PEBP4: variants seen among roughly 807,000 people sequenced by gnomAD.
The protein encoded by PEBP4 is phosphatidylethanolamine binding protein 4, also known as phosphatidylethanolamine-binding protein 4.
In PEBP4, 22 loss-of-function variants were observed where a neutral mutation model predicts 23.9. That is an observed-to-expected ratio of 0.92 (90% CI 0.66 to 1.31). The LOEUF (loss-of-function observed/expected upper bound fraction) is 1.31. Ranked by LOEUF, PEBP4 falls within the 40% of genes most tolerant of loss-of-function variation. PEBP4 has a pLI of 0.00. For missense variants in PEBP4, 324 were observed against 281.7 expected (o/e 1.15, Z -1.07); for synonymous variants, 112 against 99.3 (o/e 1.13, Z -0.76).
intron 5 of PEBP4, among the ~76,000 whole-genome samples, chr8:22,725,997 A>ATGTGTGTGTGTGTG (rs1198943272): frequency 8.8e-5 from 7 of 79,844 alleles, no homozygotes; most frequent in Admixed American, 4.3e-4. Flanking sequence ...CAGATCAGAT[A>ATGTGTGTGTGTGTG]TATGTGTGTG....
chr8:22,809,319 A>G (rs1806566922), intron 4 of PEBP4, among the ~76,000 whole-genome samples: 1 of 152,146 alleles, frequency 6.6e-6, no homozygotes, highest in African/African-American at 2.4e-5. Context: ...TCCACACTGC[A>G]CTTGGAGCCC....
chr8:22,883,102 C>G (rs745728600), intron 3 of PEBP4, among the ~76,000 whole-genome samples: 1 of 152,170 alleles, frequency 6.6e-6, no homozygotes, highest in Non-Finnish European at 1.5e-5. Flanking sequence ...CATGTCTTCC[C>G]ACACCTGATT....
At chr8:22,818,747 C>T (rs1414855349) in intron 3 of PEBP4, among the ~76,000 whole-genome samples, 2 of 152,136 alleles carry the variant, frequency 1.3e-5, no homozygotes, top group African/African-American at 2.4e-5. Context: ...CTCGCAGTAG[C>T]ATGGGAAGGA....
chr8:22,749,875 T>C (rs1474603088), intron 4 of PEBP4, among the ~76,000 whole-genome samples: 3 of 146,804 alleles, frequency 2.0e-5, no homozygotes, highest in Non-Finnish European at 4.5e-5. Context: ...GGCACGATGT[T>C]GTCTCACTGG....
chr8:22,732,634 TTGTGTGTGTGTG>T (rs61376190), intron 4 of PEBP4, among the ~76,000 whole-genome samples: 28 of 149,228 alleles, frequency 1.9e-4, no homozygotes, highest in Non-Finnish European at 2.7e-4. Context: ...CTGGCCCCAT[TTGTGTGTGTGTG>T]TGTGTGTGTG....
chr8:22,784,402 G>A (rs1317597408), intron 4 of PEBP4, among the ~76,000 whole-genome samples: 2 of 152,190 alleles, frequency 1.3e-5, no homozygotes, highest in Admixed American at 1.3e-4. Context: ...TGGTTATCTT[G>A]CAGTTGCTTT....
intron 4 of PEBP4, among the ~76,000 whole-genome samples, chr8:22,780,615 C>T (rs1805893944): frequency 6.6e-6 from 1 of 152,056 alleles, no homozygotes; most frequent in African/African-American, 2.4e-5. Context: ...TAGGAGAAAA[C>T]CTGCGATGGA....
intron 3 of PEBP4, among the ~76,000 whole-genome samples, chr8:22,821,396 G>A (rs1482953973): frequency 6.6e-6 from 1 of 152,190 alleles, no homozygotes; most frequent in Admixed American, 6.5e-5. Flanking sequence ...TGACCGGGTA[G>A]GGCAGACGTA....
chr8:22,721,598 C>T (rs1304526668), intron 6 of PEBP4, among the ~76,000 whole-genome samples: 1 of 152,124 alleles, frequency 6.6e-6, no homozygotes, highest in Admixed American at 6.5e-5. Flanking sequence ...GCCATAGACG[C>T]CCCTCTACCT....
chr8:22,911,228 G>A (rs1285543708), intron 3 of PEBP4, among the ~76,000 whole-genome samples: 4 of 152,110 alleles, frequency 2.6e-5, no homozygotes, highest in East Asian at 3.8e-4. Context: ...CCATGATTGG[G>A]GTCTAGTGGA....
chr8:22,791,391 C>A (rs1210963936), intron 4 of PEBP4, among the ~76,000 whole-genome samples: 1 of 152,140 alleles, frequency 6.6e-6, no homozygotes, highest in East Asian at 1.9e-4. Flanking sequence ...TCATGCTCAA[C>A]CCTCTCTCAA....
chr8:22,866,829 G>A (rs1471872728), intron 3 of PEBP4, among the ~76,000 whole-genome samples: 1 of 151,954 alleles, frequency 6.6e-6, no homozygotes, highest in African/African-American at 2.4e-5. Flanking sequence ...AGCAATAAAT[G>A]TTATTAAAAT....
upstream of PEBP4, among the ~76,000 whole-genome samples, chr8:22,928,559 G>T (rs1585161946): frequency 6.6e-6 from 1 of 152,270 alleles, no homozygotes; most frequent in East Asian, 1.9e-4. Context: ...TTCCCTTGGG[G>T]AACAGTCCTG....
intron 3 of PEBP4, among the ~76,000 whole-genome samples, chr8:22,851,384 C>T (rs1394623351): frequency 6.6e-6 from 1 of 152,136 alleles, no homozygotes; most frequent in African/African-American, 2.4e-5. Context: ...GGAATATACT[C>T]CCATCAAGGA....
chr8:22,853,520 G>A (rs1306824049), intron 3 of PEBP4, among the ~76,000 whole-genome samples: 1 of 152,210 alleles, frequency 6.6e-6, no homozygotes, highest in Non-Finnish European at 1.5e-5. Flanking sequence ...AAGTAGGAAG[G>A]TACCCTTCTT....
intron 3 of PEBP4, among the ~76,000 whole-genome samples, chr8:22,861,410 G>A (rs1807776382): frequency 6.6e-6 from 1 of 152,026 alleles, no homozygotes; most frequent in Non-Finnish European, 1.5e-5. Context: ...AATAAATATC[G>A]ACTACTATCC....
At chr8:22,808,960 C>T (rs1806558920) in intron 4 of PEBP4, among the ~76,000 whole-genome samples, 1 of 152,198 alleles carries the variant, frequency 6.6e-6, no homozygotes, top group South Asian at 2.1e-4. Flanking sequence ...CTGGTGGCTT[C>T]TCTCCTTCAA....
chr8:22,815,316 C>A (rs1337655971), intron 4 of PEBP4, among the ~76,000 whole-genome samples: 1 of 152,230 alleles, frequency 6.6e-6, no homozygotes. Flanking sequence ...TCTCCCCAGA[C>A]CGACCGAGGT....
chr8:22,785,920 C>T (rs1180061071), intron 4 of PEBP4, among the ~76,000 whole-genome samples: 1 of 152,214 alleles, frequency 6.6e-6, no homozygotes, highest in Admixed American at 6.5e-5. Flanking sequence ...CTCCTTACTA[C>T]CTTCTGTACC....
Sources: gnomAD v4.1 joint callset for allele counts (sites outside exome capture counted in the v4.1 genomes callset) on GRCh38, gnomAD v4.1.1 for gene constraint, MANE v1.5 for transcripts, NCBI Gene and HGNC (gene_info 2026-07-23, HGNC 2026-07-21) for gene names.